BICC1: variants seen among roughly 807,000 people sequenced by gnomAD.
The protein encoded by BICC1 is BicC family RNA binding protein 1, also known as protein bicaudal C homolog 1.
BICC1 carries 43 observed loss-of-function variants against 111.0 expected under a neutral mutation model. That is an observed-to-expected ratio of 0.39 (90% CI 0.30 to 0.50). BICC1 has a LOEUF of 0.50. Among genes scored for constraint, BICC1 ranks in the 20% least tolerant of loss-of-function variants. The pLI is 0.88. For missense variants in BICC1, 1,091 were observed against 1,203.2 expected (o/e 0.91, Z 1.38); for synonymous variants, 467 against 434.4 (o/e 1.07, Z -0.93).
At chr10:58,738,770 G>C (rs1318574221) in intron 3 of BICC1, among the ~76,000 whole-genome samples, 2 of 151,680 alleles carry the variant, frequency 1.3e-5, no homozygotes, top group South Asian at 4.2e-4. Context: ...TCATTGAGCA[G>C]TGGTTTGTAG....
Position 58,828,981 on chromosome 10 carries a change from C to T in BICC1, c.*90C>T. 5 of 1,483,548 alleles carry T rather than the reference C, an allele frequency of 3.4e-6. No homozygotes were observed. Among genetic ancestry groups the T allele is most frequent in the Non-Finnish European group, 4.6e-6 (5 of 1,092,550 alleles). 91.9% of individuals were successfully genotyped at this position (1,483,548 alleles called of 1,614,324 possible). On this transcript the variant is annotated 3_prime_UTR_variant, in exon 21 of 21. Coordinates refer to ENST00000373886, the MANE Select transcript of BICC1 (RefSeq NM_001080512.3). ...CCTTCACAGCACACCATCCTTAGCA[C>T]TCTGGGTGTCTGGTATCAGGACCAA...
intron 2 of BICC1, among the ~76,000 whole-genome samples, chr10:58,691,638 T>C (rs1205419388): frequency 6.6e-6 from 1 of 152,222 alleles, no homozygotes; most frequent in Non-Finnish European, 1.5e-5. Context: ...GATTTCTGGC[T>C]GCTCTTTTAA....
intron 1 of BICC1, among the ~76,000 whole-genome samples, chr10:58,589,705 G>A (rs145509191): frequency 1.2e-4 from 18 of 152,140 alleles, no homozygotes; most frequent in African/African-American, 4.3e-4. Context: ...TGAACTCCTG[G>A]TCTCAAGTGA....
intron 1 of BICC1, among the ~76,000 whole-genome samples, chr10:58,619,331 G>C (rs1027472076): frequency 6.6e-6 from 1 of 151,940 alleles, no homozygotes; most frequent in Non-Finnish European, 1.5e-5. Flanking sequence ...TCTGTTGTTT[G>C]GATAAAAATG....
rs540563491 is a variant in BICC1, at chr10:58,646,492, G to C, written c.237+25591G>C. ...TAAAAAAGGTTTTAGGGTCTTGCAG[G>C]CTGTCTGCATTGTATTTGGATATTC... is the stretch of plus-strand genomic sequence containing the variant. On this transcript the variant is annotated intron_variant, in intron 2 of 20. Transcript: ENST00000373886. 2.0e-5 allele frequency among the ~76,000 whole-genome samples: 3 copies of C among 152,242 alleles called. No homozygotes were observed. The South Asian group carries it at 6.2e-4, about 32-fold the overall frequency.
intron 14 of BICC1, among the ~76,000 whole-genome samples, chr10:58,801,247 C>A (rs529654472): frequency 6.6e-6 from 1 of 152,076 alleles, no homozygotes; most frequent in Non-Finnish European, 1.5e-5. Flanking sequence ...AGTCCCTTCC[C>A]CATTTAATGA....
In BICC1 at chr10:58,599,299, A is replaced by T. The variant is rs573620938; in HGVS notation, c.191-21556A>T. ...GATAAAGAAAATGTGGCACATATAC[A>T]CCATGGAATACTAGGCAGCCCTAAA... On this transcript the variant is annotated intron_variant, in intron 1 of 20. Coordinates refer to ENST00000373886, the MANE Select transcript of BICC1 (RefSeq NM_001080512.3). Among the ~76,000 whole-genome samples, 3 of 152,334 alleles carry T rather than the reference A, an allele frequency of 2.0e-5. No individual in the cohort carries two copies. The South Asian group carries it at 6.2e-4, about 32-fold the overall frequency.
At chr10:58,574,210 C>A (rs947219371) in intron 1 of BICC1, among the ~76,000 whole-genome samples, 8 of 152,048 alleles carry the variant, frequency 5.3e-5, no homozygotes, top group Admixed American at 5.3e-4. Context: ...ACAGACAGCA[C>A]AACAGAAGGA....
chr10:58,563,379 T>TG (rs1843665004), intron 1 of BICC1, among the ~76,000 whole-genome samples: 1 of 152,096 alleles, frequency 6.6e-6, no homozygotes. Context: ...GTGAGGACTG[T>TG]GGGGCTTTCC....
At chr10:58,573,436 A>G (rs1844020023) in intron 1 of BICC1, among the ~76,000 whole-genome samples, 2 of 152,136 alleles carry the variant, frequency 1.3e-5, no homozygotes, top group Non-Finnish European at 2.9e-5. Context: ...ATAAGAAGGA[A>G]TAGGTATTTC....
intron 3 of BICC1, among the ~76,000 whole-genome samples, chr10:58,715,223 G>C (rs112936912): frequency 7.6e-4 from 116 of 152,260 alleles, no homozygotes; most frequent in African/African-American, 2.4e-3. Context: ...AAAGATATTG[G>C]AGAGATTTCA....
At chr10:58,749,693 A>G (rs1457569055) in intron 3 of BICC1, among the ~76,000 whole-genome samples, 4 of 152,172 alleles carry the variant, frequency 2.6e-5, no homozygotes, top group Admixed American at 2.0e-4. Flanking sequence ...GATGCATAAG[A>G]TAAAATTTCT....
intron 1 of BICC1, among the ~76,000 whole-genome samples, chr10:58,580,976 G>A (rs928475600): frequency 2.6e-5 from 4 of 152,128 alleles, no homozygotes; most frequent in Non-Finnish European, 5.9e-5. Flanking sequence ...TTTAATCAGG[G>A]AAGAGGGGTT....
At chr10:58,567,633 G>C (rs1843810185) in intron 1 of BICC1, among the ~76,000 whole-genome samples, 1 of 151,662 alleles carries the variant, frequency 6.6e-6, no homozygotes, top group Non-Finnish European at 1.5e-5. Flanking sequence ...TAATGTTTCA[G>C]CATACTTTTT....
At chr10:58,633,691 C>A (rs375680031) in intron 2 of BICC1, among the ~76,000 whole-genome samples, 1 of 152,106 alleles carries the variant, frequency 6.6e-6, no homozygotes, top group Admixed American at 6.5e-5. Context: ...TTGGAAGTTT[C>A]GACTTTGTGG....
chr10:58,708,392 G>A (rs1001314904), intron 3 of BICC1, among the ~76,000 whole-genome samples: 2 of 152,266 alleles, frequency 1.3e-5, no homozygotes, highest in Admixed American at 6.5e-5. Context: ...CGGCATCATT[G>A]TCTGGGGTAA....
chr10:58,591,694 A>G (rs187518171), intron 1 of BICC1, among the ~76,000 whole-genome samples: 1 of 152,348 alleles, frequency 6.6e-6, no homozygotes, highest in Admixed American at 6.5e-5. Context: ...TAGGAGATGC[A>G]GTGAGAGAGC....
intron 10 of BICC1, among the ~76,000 whole-genome samples, chr10:58,797,641 A>G (rs140780153): frequency 6.6e-6 from 1 of 152,322 alleles, no homozygotes; most frequent in African/African-American, 2.4e-5. Flanking sequence ...AAGATTCACT[A>G]ACTGAATTTT....
chr10:58,707,113 C>T (rs943164649), intron 3 of BICC1, among the ~76,000 whole-genome samples: 1 of 152,158 alleles, frequency 6.6e-6, no homozygotes, highest in Non-Finnish European at 1.5e-5. Context: ...CAAGTTTAGC[C>T]ATTCTCTTCC....
Sources: gnomAD v4.1 joint callset for allele counts (sites outside exome capture counted in the v4.1 genomes callset) on GRCh38, gnomAD v4.1.1 for gene constraint, MANE v1.5 for transcripts, NCBI Gene and HGNC (gene_info 2026-07-23, HGNC 2026-07-21) for gene names.